Variants in RNF103 observed in about 807,000 individuals in gnomAD.
RNF103 encodes E3 ubiquitin-protein ligase RNF103.
In RNF103, 23 loss-of-function variants were observed where a neutral mutation model predicts 66.2. The observed-to-expected ratio is 0.35, with a 90% CI of 0.25 to 0.49. The LOEUF (loss-of-function observed/expected upper bound fraction) is 0.49. Among genes scored for constraint, RNF103 ranks in the 20% least tolerant of loss-of-function variants. The pLI, the probability that RNF103 is intolerant of heterozygous loss-of-function variation, is 0.98. For missense variants in RNF103, 730 were observed against 814.7 expected (o/e 0.90, Z 1.27); for synonymous variants, 297 against 289.9 (o/e 1.02, Z -0.25).
rs61760873 is a variant in RNF103 at position 86,604,332 on chromosome 2, C to T, written c.1569G>A (p.Gln523=). The T allele has an allele frequency of 6.2e-7, 1 of 1,614,242 alleles. No homozygotes were observed. The highest frequency in any genetic ancestry group is 8.5e-7 in the Non-Finnish European group (1 of 1,180,044). ...PMWRFKCLGV[Q]SEEEMSEGSQ... ...ACCCCTCCGACATTTCCTCTTCAGA[C>T]TGGACTCCAAGACATTTAAATCGCC... The change falls in exon 4 of 4, where the codon CAG becomes CAA. Residue 523 remains glutamine (Q), a synonymous_variant. Transcript: ENST00000237455.
At position 86,615,099 on chromosome 2, in the gene RNF103, T is replaced by A. The variant is rs181767277; in HGVS notation, c.367-2825A>T. 32 of 985,442 alleles carry A rather than the reference T, an allele frequency of 3.2e-5. No homozygotes were observed. The East Asian group carries it at 3.3e-3, about 101-fold the overall frequency. The allele number at this position is 985,442 out of a possible 1,614,324, so 61.0% of individuals were successfully genotyped here. A position where few individuals can be genotyped will look rare whatever the true frequency, so the allele number is the denominator to read the frequency against. On this transcript the variant is annotated intron_variant, in intron 2 of 3. Coordinates refer to ENST00000237455, the MANE Select transcript of RNF103 (RefSeq NM_005667.4). ...AGGAATGAGAGGGGTTCTTCCCAGG[T>A]ACCTCTTGGTTATAGCAGAGATAGT...
At chr2:86,618,456 A>G (rs1055193697) in intron 2 of RNF103, 2 of 152,660 alleles carry the variant, frequency 1.3e-5, no homozygotes, top group African/African-American at 4.8e-5. Context: ...GAATTCTGTC[A>G]CATATTTATT....
chr2:86,623,839 C>G lies in RNF103; in HGVS notation c.-953G>C. ...ACCCTCCACAACCGTGTATCAGCGG[C>G]GGCCGCGGCCGGAGCCGAGACATAA... On this transcript the variant is annotated 5_prime_UTR_variant, in exon 1 of 4. Transcript: ENST00000237455. 1 of 1,287,878 alleles carries G rather than the reference C, an allele frequency of 7.8e-7. No individual in the cohort carries two copies. The highest frequency in any genetic ancestry group is 1.0e-6 in the Non-Finnish European group (1 of 988,318). 79.8% of individuals were successfully genotyped at this position (1,287,878 alleles called of 1,614,324 possible).
chr2:86,612,163 G>T lies in RNF103; in HGVS notation c.478C>A (p.Pro160Thr). Reference protein sequence around the residue: ...RTGTFNCSSDPRYCRRRGWVR... With the variant: ...RTGTFNCSSDTRYCRRRGWVR... ...AGAATTGCCTAATCAACTTACCTGGGATCACTGGAACAGTTAAATGTGCCT... is the reference window on the plus strand; with the variant it reads ...AGAATTGCCTAATCAACTTACCTGGTATCACTGGAACAGTTAAATGTGCCT... The change falls in exon 3 of 4, where the codon CCC becomes ACC. Residue 160 changes from proline to threonine, a missense_variant. Around this residue, in one of 3 missense-constraint regions of RNF103, gnomAD observed 327 missense variants for 369.8 expected, o/e 0.88. Transcript: ENST00000237455. 6.2e-7 allele frequency: 1 copy of T among 1,602,454 alleles called. No homozygotes were observed. The highest frequency in any genetic ancestry group is 8.5e-7 in the Non-Finnish European group (1 of 1,173,572).
intron 3 of RNF103, among the ~76,000 whole-genome samples, chr2:86,608,840 G>C (rs887650855): frequency 6.6e-6 from 1 of 152,114 alleles, no homozygotes; most frequent in African/African-American, 2.4e-5. Flanking sequence ...CTCTGAAATC[G>C]ATCTGCTGGT....
intron 2 of RNF103, chr2:86,616,581 T>C: frequency 1.0e-6 from 1 of 985,426 alleles, no homozygotes; most frequent in Non-Finnish European, 1.2e-6. Context: ...AACAAAACTT[T>C]TGTCTAGGAG....
chr2:86,620,331 T>A lies in RNF103; in HGVS notation c.365A>T (p.Gln122Leu), dbSNP rs1453404773. 9 of 1,596,770 alleles carry A rather than the reference T, an allele frequency of 5.6e-6. No individual in the cohort carries two copies. The highest frequency in any genetic ancestry group is 7.7e-6 in the Non-Finnish European group (9 of 1,168,750). The stretch of plus-strand genomic sequence containing the variant: ...TCAAATTATTACTGCTTTTCATACC[T>A]GAACCAGCCAGATGCCATCTTTTGT... ...EDTKDGIWLV[Q>L]VIANDRSPLV... The change falls in exon 2 of 4, where the codon CAG (glutamine) becomes CTG (leucine). Residue 122 changes from glutamine (Q) to leucine (L), a missense_variant and splice_region_variant. Coordinates refer to ENST00000237455, the MANE Select transcript of RNF103 (RefSeq NM_005667.4).
chr2:86,615,238 A>T, intron 2 of RNF103: 1 of 985,392 alleles, frequency 1.0e-6, no homozygotes, highest in Non-Finnish European at 1.2e-6. Context: ...GAAGAGTTTA[A>T]GGATCCCTGA....
chr2:86,609,505 G>A (rs1432956490), intron 3 of RNF103, among the ~76,000 whole-genome samples: 10 of 151,116 alleles, frequency 6.6e-5, no homozygotes, highest in African/African-American at 2.4e-4. Context: ...TCTTGCCTCA[G>A]TCTCCCGAGT....
chr2:86,621,465 C>T (rs1047318612), intron 1 of RNF103, among the ~76,000 whole-genome samples: 1 of 152,262 alleles, frequency 6.6e-6, no homozygotes, highest in South Asian at 2.1e-4. Flanking sequence ...AAATAAGAAT[C>T]GCCATAAACC....
Position 86,623,653 on chromosome 2 carries a change from C to G in RNF103, c.-767G>C, listed in dbSNP as rs1679329427. On this transcript the variant is annotated 5_prime_UTR_variant, in exon 1 of 4. Transcript: ENST00000237455. ...GCGTCGCGGTCTCTGCAGATGGAAT[C>G]GGTCTCGGAGGGAAAAAACCAATAA... is the stretch of plus-strand genomic sequence containing the variant. 8.8e-7 allele frequency: 1 copy of G among 1,141,432 alleles called. No homozygotes were observed. Among genetic ancestry groups the G allele is most frequent in the Non-Finnish European group, 1.1e-6 (1 of 918,522 alleles). The allele number at this position is 1,141,432 out of a possible 1,614,324, so 70.7% of individuals were successfully genotyped here. A position where few individuals can be genotyped will look rare whatever the true frequency, so the allele number is the denominator to read the frequency against.
chr2:86,607,144 T>TA (rs1678601900), intron 3 of RNF103, among the ~76,000 whole-genome samples: 1 of 152,208 alleles, frequency 6.6e-6, no homozygotes, highest in Non-Finnish European at 1.5e-5. Context: ...AAAGACAATC[T>TA]ACCACATGGA....
intron 3 of RNF103, among the ~76,000 whole-genome samples, chr2:86,611,652 G>C (rs1678798930): frequency 6.6e-6 from 1 of 152,080 alleles, no homozygotes; most frequent in Non-Finnish European, 1.5e-5. Context: ...AAGGTAGAAG[G>C]ATACATGGAT....
rs936105988 is a variant in RNF103 at position 86,622,954 on chromosome 2, G to A, written c.-68C>T. ...GGAGAGAGAAGGGTCGAGGGCGGGG[G>A]CCGCGGCTCGGTGGCAGCTTGGGCG... On this transcript the variant is annotated 5_prime_UTR_variant, in exon 1 of 4. Coordinates refer to ENST00000237455, the MANE Select transcript of RNF103 (RefSeq NM_005667.4). The A allele has an allele frequency of 6.7e-6, 10 of 1,496,068 alleles. No individual in the cohort carries two copies. The Admixed American group carries it at 1.8e-4, about 27-fold the overall frequency. The allele number at this position is 1,496,068 out of a possible 1,614,324, so 92.7% of individuals were successfully genotyped here.
chr2:86,623,338 G>A lies in RNF103; in HGVS notation c.-452C>T, dbSNP rs1244211700. On this transcript the variant is annotated 5_prime_UTR_variant, in exon 1 of 4. Transcript: ENST00000237455. Reference sequence around the variant, plus strand: ...ATAACTCAGATCCGCCCAGGAGGCGGGGATCCGGGCGGCAGGCCGGGGCCC... The same window carrying A: ...ATAACTCAGATCCGCCCAGGAGGCGAGGATCCGGGCGGCAGGCCGGGGCCC... 2 of 984,648 alleles carry A rather than the reference G, an allele frequency of 2.0e-6. No individual in the cohort carries two copies. The highest frequency in any genetic ancestry group is 1.8e-5 in the African/African-American group (1 of 57,080). 61.0% of individuals were successfully genotyped at this position (984,648 alleles called of 1,614,324 possible). A position where few individuals can be genotyped will look rare whatever the true frequency, so the allele number is the denominator to read the frequency against.
In RNF103 at chr2:86,603,725, T is replaced by C; in HGVS notation, c.*118A>G. 1 of 1,378,348 alleles carries C rather than the reference T, an allele frequency of 7.3e-7. No individual in the cohort carries two copies. The highest frequency in any genetic ancestry group is 9.8e-7 in the Non-Finnish European group (1 of 1,019,812). 85.4% of individuals were successfully genotyped at this position (1,378,348 alleles called of 1,614,324 possible). On this transcript the variant is annotated 3_prime_UTR_variant, in exon 4 of 4. Transcript: ENST00000237455. ...CTGTCATCAACATTAGCATAATGTG[T>C]ATTTCCCGTCACTGCACTAACATTA...
chr2:86,616,021 A>G (rs1222384889), intron 2 of RNF103, among the ~76,000 whole-genome samples: 2 of 152,236 alleles, frequency 1.3e-5, no homozygotes, highest in African/African-American at 4.8e-5. Context: ...TGTTATAATC[A>G]AAGTCCCTTC....
intron 2 of RNF103, chr2:86,614,613 GA>G (rs1553415618): frequency 3.7e-6 from 1 of 273,716 alleles, no homozygotes; most frequent in Non-Finnish European, 5.2e-6. Context: ...AAAAAAAAGA[GA>G]GAAAAAAAAG....
chr2:86,603,926 A>G lies in RNF103; in HGVS notation c.1975T>C (p.Cys659Arg). 1 of 1,614,206 alleles carries G rather than the reference A, an allele frequency of 6.2e-7. No individual in the cohort carries two copies. Among genetic ancestry groups the G allele is most frequent in the Admixed American group, 1.7e-5 (1 of 60,022 alleles). The stretch of plus-strand genomic sequence containing the variant: ...TAAGAAGGCCACCGGCAAACAGGGC[A>G]ACAATGTCGGCCCCCAGCCAACCAC... ...VMWLAGGRHC[C>R]PVCRWPSYKK... The change falls in exon 4 of 4, where the codon TGC becomes CGC. Residue 659 changes from cysteine (C) to arginine (R), a missense_variant. Physicochemically the swap from Cys to Arg is radical, Grantham distance 180 (BLOSUM62 -3). Coordinates refer to ENST00000237455, the MANE Select transcript of RNF103 (RefSeq NM_005667.4).
Sources: allele counts gnomAD v4.1 joint callset (sites outside exome capture counted in the v4.1 genomes callset), GRCh38; gene constraint gnomAD v4.1.1; regional missense constraint gnomAD v4.1.1; transcripts MANE v1.5; gene names NCBI Gene and HGNC (gene_info 2026-07-23, HGNC 2026-07-21).